Variants in PTPRZ1 observed in about 807,000 individuals in gnomAD.
PTPRZ1 encodes the protein receptor-type tyrosine-protein phosphatase zeta.
A neutral mutation model predicts 214.1 loss-of-function variants in PTPRZ1; 82 were observed. That is an observed-to-expected ratio of 0.38 (90% CI 0.32 to 0.46). PTPRZ1 has a LOEUF of 0.46. Ranked by LOEUF, PTPRZ1 falls within the 20% of genes least tolerant of loss-of-function variation. PTPRZ1 has a pLI of 1.00. For missense variants in PTPRZ1, 2,603 were observed against 2,748.7 expected (o/e 0.95, Z 1.19); for synonymous variants, 945 against 987.9 (o/e 0.96, Z 0.81).
rs565698484 is a variant in PTPRZ1, at chr7:121,969,530, C to T, written c.304+1400C>T. Among the ~76,000 whole-genome samples, 15 of 145,396 alleles carry T rather than the reference C, an allele frequency of 1.0e-4. No individual in the cohort carries two copies. In the South Asian group the frequency reaches 2.9e-3, roughly 28 times the overall value. On this transcript the variant is annotated intron_variant, in intron 3 of 29. Transcript: ENST00000393386. ...GAGCTGAGATTGTGCCATTGCACTC[C>T]AGCCTGGGCAACAAGAGCGAAACTC... is the stretch of plus-strand genomic sequence containing the variant.
At chr7:121,916,928 T>A (rs1254592011) in intron 1 of PTPRZ1, among the ~76,000 whole-genome samples, 1 of 152,020 alleles carries the variant, frequency 6.6e-6, no homozygotes, top group Admixed American at 6.6e-5. Flanking sequence ...AACTATTAAA[T>A]TGAGAAAGAA....
Position 121,976,251 on chromosome 7 carries a change from T to G in PTPRZ1, c.535T>G (p.Leu179Val). ...AVKGKGKLRA[L>V]SILFEVGTEE... is the part of the protein sequence containing the mutation. ...CAAAGGAAAAGGGAAGTTAAGAGCTTTATCCATTTTGTTTGAGGTAATATA... is the reference window on the plus strand; with the variant it reads ...CAAAGGAAAAGGGAAGTTAAGAGCTGTATCCATTTTGTTTGAGGTAATATA... The change falls in exon 5 of 30, where the codon TTA becomes GTA. Residue 179 changes from leucine to valine, a missense_variant. Physicochemically the swap from Leu to Val is conservative, Grantham distance 32. Around this residue, in one of 6 missense-constraint regions of PTPRZ1, gnomAD observed 244 missense variants for 333.2 expected, o/e 0.73. Transcript: ENST00000393386. 6.2e-7 allele frequency: 1 copy of G among 1,604,384 alleles called. No homozygotes were observed. The highest frequency in any genetic ancestry group is 8.5e-7 in the Non-Finnish European group (1 of 1,173,188).
At position 121,953,645 on chromosome 7, in the gene PTPRZ1, G is replaced by A. The variant is rs971922686; in HGVS notation, c.125-14306G>A. Among the ~76,000 whole-genome samples, 5 of 152,254 alleles carry A rather than the reference G, an allele frequency of 3.3e-5. No individual in the cohort carries two copies. The East Asian group carries it at 5.8e-4, about 18-fold the overall frequency. ...TCCTTGGAGACATCTGAGAGATTCC[G>A]GGATGCCAGTGGTGCCTCTCTGGCC... On this transcript the variant is annotated intron_variant, in intron 2 of 29. Transcript: ENST00000393386.
At chr7:122,041,046 A>G in intron 21 of PTPRZ1, 67 bp downstream of exon 21, 1 of 1,327,414 alleles carries the variant, frequency 7.5e-7, no homozygotes, top group Non-Finnish European at 9.9e-7. Context: ...AAATCAATGG[A>G]ACAAAGCTTT....
chr7:121,934,825 C>T (rs1342247546), intron 2 of PTPRZ1, among the ~76,000 whole-genome samples: 3 of 152,066 alleles, frequency 2.0e-5, no homozygotes, highest in African/African-American at 4.8e-5. Context: ...TCTGGTCAAA[C>T]TTTTTCTATG....
At chr7:122,027,483 A>C (rs190754157) in intron 13 of PTPRZ1, among the ~76,000 whole-genome samples, 64 of 152,340 alleles carry the variant, frequency 4.2e-4, no homozygotes, top group Admixed American at 2.3e-3. Flanking sequence ...TCACTATATA[A>C]GAACAAATGT....
intron 27 of PTPRZ1, among the ~76,000 whole-genome samples, chr7:122,055,600 G>C (rs1792323421): frequency 6.6e-6 from 1 of 151,736 alleles, no homozygotes. Flanking sequence ...AATAAACTAA[G>C]AATATTTTAC....
rs534259561 is a variant in PTPRZ1, at chr7:122,032,553, C to T, written c.5166+994C>T. ...AACCCCAGTGGCTCTGCGGACCTCC[C>T]TCTTTGAAGTACTTTGAGCTGTAAG... On this transcript the variant is annotated intron_variant, in intron 15 of 29. Coordinates refer to ENST00000393386, the MANE Select transcript of PTPRZ1 (RefSeq NM_002851.3). Among the ~76,000 whole-genome samples, 16 of 152,236 alleles carry T rather than the reference C, an allele frequency of 1.1e-4. No individual in the cohort carries two copies. In the South Asian group the frequency reaches 3.3e-3, roughly 32 times the overall value.
intron 8 of PTPRZ1, among the ~76,000 whole-genome samples, chr7:121,987,669 T>C (rs1797799366): frequency 6.6e-6 from 1 of 152,180 alleles, no homozygotes; most frequent in Non-Finnish European, 1.5e-5. Context: ...TGATGGTGAG[T>C]AGTTTTTCAT....
chr7:122,019,376 G>A (rs2116684472), intron 13 of PTPRZ1, 108 bp downstream of exon 13: 2 of 1,115,134 alleles, frequency 1.8e-6, no homozygotes, highest in Non-Finnish European at 2.6e-6. Context: ...TTACCTGAGA[G>A]CTGCCATTAA....
chr7:121,920,335 A>G (rs1795556811), intron 1 of PTPRZ1, among the ~76,000 whole-genome samples: 1 of 152,184 alleles, frequency 6.6e-6, no homozygotes, highest in South Asian at 2.1e-4. Flanking sequence ...AGTTAGTAGC[A>G]TATAATAACA....
rs1447278687 is a variant in PTPRZ1, at chr7:122,050,440, G to GGGGAGAGGGGAGGGGA, written c.6085-988_6085-987insGGGAGAGGGGAGGGGA. ...CCTGTCTCAAAAAAGAATTGAAGGG[G>GGGGAGAGGGGAGGGGA]AGGAGAGGGGAGGGAAAAGGAGAGG... On this transcript the variant is annotated intron_variant, in intron 23 of 29. Transcript: ENST00000393386. Among the ~76,000 whole-genome samples the GGGGAGAGGGGAGGGGA allele has an allele frequency of 2.3e-5, 3 of 127,822 alleles. 1 individual carries two copies. The highest frequency in any genetic ancestry group is 8.5e-5 in the African/African-American group (3 of 35,232). 83.9% of individuals were successfully genotyped at this position (127,822 alleles called of 152,430 possible).
intron 2 of PTPRZ1, among the ~76,000 whole-genome samples, chr7:121,933,530 C>CT (rs200516605): frequency 0.017 from 2,566 of 152,134 alleles, 55 homozygotes; most frequent in Non-Finnish European, 0.023. Context: ...TATGGCTGTT[C>CT]TGGTCACACA....
rs1321624711 is a variant in PTPRZ1 at position 122,061,509 on chromosome 7, A to G, written c.*289A>G. The G allele has an allele frequency of 5.1e-6, 1 of 195,270 alleles. No individual in the cohort carries two copies. The highest frequency in any genetic ancestry group is 1.0e-5 in the Non-Finnish European group (1 of 96,660). 12.1% of individuals were successfully genotyped at this position (195,270 alleles called of 1,614,324 possible). ...TGATTTTAACAGAAAATTTCAATTT[A>G]TAGAGGTTAGGAATTCCAAACTACA... On this transcript the variant is annotated 3_prime_UTR_variant, in exon 30 of 30. Coordinates refer to ENST00000393386, the MANE Select transcript of PTPRZ1 (RefSeq NM_002851.3).
chr7:122,004,269 T>C lies in PTPRZ1; in HGVS notation c.1241-345T>C, dbSNP rs138546011. ...GAAATAACTCTGTACTGATGAAAAA[T>C]TATTTGCGTTTCTTTACACTCAGTT... On this transcript the variant is annotated intron_variant, in intron 10 of 29. Transcript: ENST00000393386. Among the ~76,000 whole-genome samples the C allele has an allele frequency of 2.6e-3, 401 of 152,158 alleles. 1 individual carries two copies. The highest frequency in any genetic ancestry group is 4.7e-3 in the Non-Finnish European group (321 of 68,000).
chr7:122,018,308 T>C (rs889736502), intron 12 of PTPRZ1, among the ~76,000 whole-genome samples: 1 of 152,202 alleles, frequency 6.6e-6, no homozygotes, highest in Non-Finnish European at 1.5e-5. Context: ...TGAAACTCTT[T>C]TTTTAACAAC....
rs989827580 is a variant in PTPRZ1, at chr7:122,004,795, C to T, written c.1287+135C>T. The T allele has an allele frequency of 1.7e-5, 9 of 518,296 alleles. No individual in the cohort carries two copies. In the Admixed American group the frequency reaches 3.7e-4, roughly 21 times the overall value. 32.1% of individuals were successfully genotyped at this position (518,296 alleles called of 1,614,324 possible). A position where few individuals can be genotyped will look rare whatever the true frequency, so the allele number is the denominator to read the frequency against. On this transcript the variant is annotated intron_variant, in intron 11 of 29. Transcript: ENST00000393386. Reference sequence around the variant, plus strand: ...ACTGTTTGTGGGGTTAGTTGCTAAGCTTTATATATAGATAGTCACATAATT... The same window carrying T: ...ACTGTTTGTGGGGTTAGTTGCTAAGTTTTATATATAGATAGTCACATAATT...
At chr7:121,977,728 A>G (rs1298615160) in intron 6 of PTPRZ1, among the ~76,000 whole-genome samples, 1 of 149,804 alleles carries the variant, frequency 6.7e-6, no homozygotes, top group African/African-American at 2.5e-5. Context: ...TTTTTTTTAG[A>G]GACACAGCAC....
Position 121,873,525 on chromosome 7 carries a change from C to A in PTPRZ1, c.26C>A (p.Ala9Asp), listed in dbSNP as rs1793949731. The change falls in exon 1 of 30, where the codon GCT becomes GAT. Residue 9 changes from alanine to aspartate, a missense_variant. This residue lies in a region of PTPRZ1 where 141 missense variants were observed against 143.7 expected (regional missense o/e 0.98). Transcript: ENST00000393386. ...ATGCGAATCCTAAAGCGTTTCCTCG[C>A]TTGCATTCAGCTCCTCTGTGTTTGC... MRILKRFL[A>D]CIQLLCVCRL... 1 of 1,614,030 alleles carries A rather than the reference C, an allele frequency of 6.2e-7. No homozygotes were observed.
Sources: gnomAD v4.1 joint callset for allele counts (sites outside exome capture counted in the v4.1 genomes callset) on GRCh38, gnomAD v4.1.1 for gene constraint, gnomAD v4.1.1 regional missense constraint, MANE v1.5 for transcripts, NCBI Gene and HGNC (gene_info 2026-07-23, HGNC 2026-07-21) for gene names.